CUL9: variants seen among roughly 807,000 people sequenced by gnomAD.
CUL9 encodes the protein cullin 9.
In CUL9, 79 loss-of-function variants were observed where a neutral mutation model predicts 272.6. The ratio of observed to expected loss-of-function variants is 0.29; its 90% confidence interval spans 0.24 to 0.35. CUL9 has a LOEUF of 0.35. Among genes scored for constraint, CUL9 ranks in the 10% least tolerant of loss-of-function variants. CUL9 has a pLI of 1.00. For missense variants in CUL9, 2,532 were observed against 3,255.6 expected (o/e 0.78, Z 5.41); for synonymous variants, 1,186 against 1,286.5 (o/e 0.92, Z 1.67).
In CUL9 at chr6:43,205,321, G is replaced by T. The variant is rs913871681; in HGVS notation, c.4691G>T (p.Gly1564Val). 6 of 1,614,068 alleles carry T rather than the reference G, an allele frequency of 3.7e-6. No individual in the cohort carries two copies. Among genetic ancestry groups the T allele is most frequent in the Non-Finnish European group, 5.1e-6 (6 of 1,180,036 alleles). The change falls in exon 24 of 41, where the codon GGA (glycine) becomes GTA (valine). Residue 1564 changes from glycine to valine, a missense_variant. Transcript: ENST00000252050. ...CAGATCCAGGGTGGCCTGATTGGTG[G>T]AGCCCCTGGAGTGGAAATGCTGGGG... ...DQQIQGGLIG[G>V]APGVEMLGQL...
chr6:43,207,805 C>T (rs1046447857), intron 26 of CUL9, among the ~76,000 whole-genome samples: 3 of 152,046 alleles, frequency 2.0e-5, no homozygotes, highest in Admixed American at 6.5e-5. Context: ...TCATATTTTA[C>T]CTGTTTCATG....
Position 43,221,451 on chromosome 6 carries a change from C to T in CUL9, c.6752+130C>T. 1 of 1,126,114 alleles carries T rather than the reference C, an allele frequency of 8.9e-7. No individual in the cohort carries two copies. Among genetic ancestry groups the T allele is most frequent in the Non-Finnish European group, 1.2e-6 (1 of 807,546 alleles). The allele number at this position is 1,126,114 out of a possible 1,614,324, so 69.8% of individuals were successfully genotyped here. Reference sequence around the variant, plus strand: ...GGTTCCTCAGCCGCCCCTCACGTGGCAGCCTCCACGGTGACTTCCTGGATC... The same window carrying T: ...GGTTCCTCAGCCGCCCCTCACGTGGTAGCCTCCACGGTGACTTCCTGGATC... On this transcript the variant is annotated intron_variant, in intron 34 of 40. Transcript: ENST00000252050. The surrounding 1 kb of genome is among the most constrained non-coding windows in gnomAD (Gnocchi z 4.2).
In CUL9 at chr6:43,186,254, C is replaced by T; in HGVS notation, c.1050C>T (p.Pro350=). 6.2e-7 allele frequency: 1 copy of T among 1,614,248 alleles called. No homozygotes were observed. Among genetic ancestry groups the T allele is most frequent in the South Asian group, 1.1e-5 (1 of 91,088 alleles). ...PYISGPSLLL[P]TIVTTPRRQG... ...TTTCAGGCCCCAGCCTTTTACTCCC[C>T]ACCATTGTCACCACCCCCAGAAGAC... The change falls in exon 4 of 41, where the codon CCC becomes CCT. Residue 350 remains proline (P), a synonymous_variant. Coordinates refer to ENST00000252050, the MANE Select transcript of CUL9 (RefSeq NM_015089.4).
In CUL9 at chr6:43,218,373, C is replaced by T. The variant is rs188834330; in HGVS notation, c.6282+1870C>T. Among the ~76,000 whole-genome samples, 17 of 152,106 alleles carry T rather than the reference C, an allele frequency of 1.1e-4. No individual in the cohort carries two copies. The highest frequency in any genetic ancestry group is 3.4e-4 in the African/African-American group (14 of 41,506). ...CTGGGACTATAGGCGCCCGCCACCG[C>T]GCCCGGCTAATTTTTTGCATTTTTA... On this transcript the variant is annotated intron_variant, in intron 31 of 40. Coordinates refer to ENST00000252050, the MANE Select transcript of CUL9 (RefSeq NM_015089.4). This position sits in a 1 kb window ranked among gnomAD's most constrained non-coding sequence, Gnocchi z 4.4.
At chr6:43,210,633 A>G (rs1211111599) in intron 26 of CUL9, among the ~76,000 whole-genome samples, 1 of 152,222 alleles carries the variant, frequency 6.6e-6, no homozygotes, top group African/African-American at 2.4e-5. Flanking sequence ...TGTTTTAGGC[A>G]CATGTCTTAT....
At position 43,199,870 on chromosome 6, in the gene CUL9, A is replaced by G. The variant is rs934998622; in HGVS notation, c.3157-59A>G. 3.7e-5 allele frequency: 51 copies of G among 1,386,482 alleles called. No individual in the cohort carries two copies. The highest frequency in any genetic ancestry group is 3.2e-4 in the East Asian group (14 of 43,476). The allele number at this position is 1,386,482 out of a possible 1,614,324, so 85.9% of individuals were successfully genotyped here. A position where few individuals can be genotyped will look rare whatever the true frequency, so the allele number is the denominator to read the frequency against. On this transcript the variant is annotated intron_variant, in intron 13 of 40. Transcript: ENST00000252050. The surrounding 1 kb of genome is among the most constrained non-coding windows in gnomAD (Gnocchi z 4.4). ...CTTCCTTTACTGAACCCTCTCCTCA[A>G]TCCTTACATGTCCTACCTCTTGTTT...
At position 43,205,326 on chromosome 6, in the gene CUL9, C is replaced by T; in HGVS notation, c.4696C>T (p.Pro1566Ser). ...QIQGGLIGGA[P>S]GVEMLGQLQR... ...CCAGGGTGGCCTGATTGGTGGAGCC[C>T]CTGGAGTGGAAATGCTGGGGCAGCT... The change falls in exon 24 of 41, where the codon CCT becomes TCT. Residue 1566 changes from proline to serine, a missense_variant. Transcript: ENST00000252050. 6.2e-7 allele frequency: 1 copy of T among 1,614,152 alleles called. No homozygotes were observed. The highest frequency in any genetic ancestry group is 1.1e-5 in the South Asian group (1 of 91,082).
rs369344079 is a variant in CUL9 at position 43,221,650 on chromosome 6, G to C, written c.6753-35G>C. ...CATTCCTGGCACACCCCTGCCCAGA[G>C]GCAGGAGTCCCTGACCAGCCAGCTT... is the stretch of plus-strand genomic sequence containing the variant. On this transcript the variant is annotated intron_variant, in intron 34 of 40. Coordinates refer to ENST00000252050, the MANE Select transcript of CUL9 (RefSeq NM_015089.4). The surrounding 1 kb of genome is among the most constrained non-coding windows in gnomAD (Gnocchi z 4.2). 7.4e-5 allele frequency: 118 copies of C among 1,595,540 alleles called. No individual in the cohort carries two copies. In the African/African-American group the frequency reaches 1.4e-3, roughly 18 times the overall value.
intron 8 of CUL9, chr6:43,189,037 A>G (rs1324408530): frequency 4.9e-6 from 1 of 202,032 alleles, no homozygotes; most frequent in Admixed American, 5.7e-5. Flanking sequence ...ACTTGCTTAG[A>G]GTTTTACAGA....
intron 9 of CUL9, among the ~76,000 whole-genome samples, chr6:43,193,850 C>T (rs2080598868): frequency 6.6e-6 from 1 of 152,064 alleles, no homozygotes. Context: ...ATTGAGTGTT[C>T]CTGCCTTTTT....
Position 43,215,116 on chromosome 6 carries a change from G to A in CUL9, c.5726G>A (p.Gly1909Glu), listed in dbSNP as rs746953980. 1 of 1,612,382 alleles carries A rather than the reference G, an allele frequency of 6.2e-7. No individual in the cohort carries two copies. Among genetic ancestry groups the A allele is most frequent in the East Asian group, 2.2e-5 (1 of 44,848 alleles). The change falls in exon 30 of 41, where the codon GGA becomes GAA. Residue 1909 changes from glycine (G) to glutamate (E), a missense_variant. Transcript: ENST00000252050. ...EAWQKGPNPP[G>E]TLGHTVAGGV... The stretch of plus-strand genomic sequence containing the variant: ...TGGCAGAAGGGTCCAAATCCTCCTG[G>A]AACCCTGGGCCACACTGTTGCTGGG...
Position 43,197,816 on chromosome 6 carries a change from C to T in CUL9, c.2804-793C>T, listed in dbSNP as rs529954631. 2.6e-5 allele frequency among the ~76,000 whole-genome samples: 4 copies of T among 152,256 alleles called. No homozygotes were observed. The East Asian group carries it at 7.7e-4, about 29-fold the overall frequency. ...CTTTCTCTTCACAGAATAGGGAGGCCTTCTTAAGAGAAATTATAATTTATG... is the reference window on the plus strand; with the variant it reads ...CTTTCTCTTCACAGAATAGGGAGGCTTTCTTAAGAGAAATTATAATTTATG... On this transcript the variant is annotated intron_variant, in intron 11 of 40. Transcript: ENST00000252050.
In CUL9 at chr6:43,204,785, G is replaced by T. The variant is rs1400928197; in HGVS notation, c.4377G>T (p.Ala1459=). The T allele has an allele frequency of 1.2e-6, 2 of 1,614,196 alleles. No homozygotes were observed. The highest frequency in any genetic ancestry group is 4.5e-5 in the East Asian group (2 of 44,878). ...GCAAGGGTCGGGACCGGAGCCCGGC[G>T]CCTTCGCCAGTGCTTCCAAGCAGCA... ...KNSKGRDRSP[A]PSPVLPSSSL... The change falls in exon 22 of 41, where the codon GCG becomes GCT. Residue 1459 remains alanine, a synonymous_variant. Coordinates refer to ENST00000252050, the MANE Select transcript of CUL9 (RefSeq NM_015089.4).
At chr6:43,214,868 C>T (rs1308620508) in intron 29 of CUL9, among the ~76,000 whole-genome samples, 1 of 151,658 alleles carries the variant, frequency 6.6e-6, no homozygotes, top group African/African-American at 2.4e-5. Context: ...AGCTGCCAGA[C>T]ACCATGGCTC....
intron 29 of CUL9, among the ~76,000 whole-genome samples, chr6:43,214,796 GAAAA>G: frequency 7.0e-6 from 1 of 143,492 alleles, no homozygotes; most frequent in African/African-American, 2.5e-5. Flanking sequence ...AGACTGTTGG[GAAAA>G]AAAAAAAAGA....
rs371127607 is a variant in CUL9 at position 43,205,063 on chromosome 6, G to A, written c.4580G>A (p.Arg1527His). The A allele has an allele frequency of 7.6e-5, 122 of 1,609,038 alleles. 1 individual carries two copies. The Middle Eastern group carries it at 8.3e-4, about 11-fold the overall frequency. Residue 1527 changes from arginine to histidine, a missense_variant, in exon 23 of 41, where the codon CGC becomes CAC. Coordinates refer to ENST00000252050, the MANE Select transcript of CUL9 (RefSeq NM_015089.4). ...GPRAAFMLALRSGFSGALLQQ... is the reference protein window; with the variant it reads ...GPRAAFMLALHSGFSGALLQQ... ...CGGGCAGCCTTCATGCTGGCTCTGC[G>A]CAGTGGCTTCTCTGGCGCCTTGCTG...
Position 43,187,390 on chromosome 6 carries a change from T to G in CUL9, c.1532T>G (p.Leu511Trp). ...ELLFFIKKLD[L>W]CEQQPIFQNL... Reference sequence around the variant, plus strand: ...CTTTTCTTTATCAAAAAGTTGGACTTGTGTGAGCAGCAGCCAATTTTCCAG... The same window carrying G: ...CTTTTCTTTATCAAAAAGTTGGACTGGTGTGAGCAGCAGCCAATTTTCCAG... The change falls in exon 6 of 41, where the codon TTG (leucine) becomes TGG (tryptophan). Residue 511 changes from leucine (L) to tryptophan (W), a missense_variant. This residue lies in a region of CUL9 where 2,218 missense variants were observed against 2,788.6 expected (regional missense o/e 0.80). Coordinates refer to ENST00000252050, the MANE Select transcript of CUL9 (RefSeq NM_015089.4). 1 of 1,614,046 alleles carries G rather than the reference T, an allele frequency of 6.2e-7. No homozygotes were observed. Among genetic ancestry groups the G allele is most frequent in the Non-Finnish European group, 8.5e-7 (1 of 1,179,984 alleles).
intron 37 of CUL9, 61 bp downstream of exon 37, chr6:43,222,702 G>A: frequency 1.9e-6 from 3 of 1,605,238 alleles, no homozygotes; most frequent in South Asian, 2.2e-5. Context: ...TGGGGGGCTT[G>A]GCTGCTTTCA....
chr6:43,198,922 T>C lies in CUL9; in HGVS notation c.3050+67T>C, dbSNP rs1355115227. 6.5e-6 allele frequency: 10 copies of C among 1,541,928 alleles called. No individual in the cohort carries two copies. In the East Asian group the frequency reaches 1.8e-4, roughly 28 times the overall value. On this transcript the variant is annotated intron_variant, in intron 12 of 40. Coordinates refer to ENST00000252050, the MANE Select transcript of CUL9 (RefSeq NM_015089.4). ...ACTGGCAGACTTCAGGGACTTCACT[T>C]GTTTCTTTTCTGTTTTCTTTTTTTT...
Sources: allele counts gnomAD v4.1 joint callset (sites outside exome capture counted in the v4.1 genomes callset), GRCh38; gene constraint gnomAD v4.1.1; regional missense constraint gnomAD v4.1.1; non-coding constraint Gnocchi (gnomAD v3.1); transcripts MANE v1.5; gene names NCBI Gene and HGNC (gene_info 2026-07-23, HGNC 2026-07-21).